RFX4: variants seen among roughly 807,000 people sequenced by gnomAD.
The protein encoded by RFX4 is regulatory factor X4.
Under a neutral mutation model 95.0 loss-of-function variants are expected in RFX4, and 10 were observed. The observed-to-expected ratio is 0.11, with a 90% CI of 0.06 to 0.18. RFX4 has a LOEUF of 0.18. Among genes scored for constraint, RFX4 ranks in the 10% least tolerant of loss-of-function variants. The probability of loss-of-function intolerance (pLI) is 1.00; values close to 1 mark genes in which losing one functional copy is unlikely to be tolerated. For synonymous variants in RFX4, 321 were observed against 340.7 expected (o/e 0.94, Z 0.64); for missense variants, 640 against 922.0 (o/e 0.69, Z 3.96).
intron 7 of RFX4, chr12:106,692,977 C>T: frequency 4.4e-6 from 1 of 225,678 alleles, no homozygotes; most frequent in South Asian, 5.1e-5. Flanking sequence ...TGCCCCAAAT[C>T]TGTTTTTCCC....
chr12:106,623,859 T>G (rs1332484844), intron 2 of RFX4, among the ~76,000 whole-genome samples: 1 of 152,210 alleles, frequency 6.6e-6, no homozygotes, highest in Non-Finnish European at 1.5e-5. Context: ...ATGTAGATAT[T>G]TATTATTTTA....
intron 11 of RFX4, 58 bp from the exon 12 acceptor site, chr12:106,719,902 G>A (rs1264735840): frequency 8.3e-6 from 11 of 1,324,036 alleles, no homozygotes; most frequent in East Asian, 2.3e-5. Context: ...CTTTTAAGAC[G>A]TAGCTCTTGT....
At chr12:106,662,814 A>C (rs1018961627) in intron 4 of RFX4, among the ~76,000 whole-genome samples, 1 of 152,100 alleles carries the variant, frequency 6.6e-6, no homozygotes, top group African/African-American at 2.4e-5. Flanking sequence ...TTTGTTTAAA[A>C]GATTATCTTT....
chr12:106,693,056 C>A, intron 7 of RFX4: 1 of 404,458 alleles, frequency 2.5e-6, no homozygotes, highest in South Asian at 1.9e-5. Flanking sequence ...TCCTTTCCCT[C>A]ACCCTTCAGA....
At chr12:106,726,648 C>G (rs1367094723) in intron 13 of RFX4, among the ~76,000 whole-genome samples, 2 of 152,082 alleles carry the variant, frequency 1.3e-5, no homozygotes, top group African/African-American at 4.8e-5. Context: ...AACACATACA[C>G]AAATTAGTTT....
At chr12:106,659,984 G>A (rs71452921) in intron 4 of RFX4, among the ~76,000 whole-genome samples, 3,543 of 152,206 alleles carry the variant, frequency 0.023, 56 homozygotes, top group Non-Finnish European at 0.037. Flanking sequence ...GTATCTCAGG[G>A]ATCAAGTGTG....
chr12:106,592,457 G>A (rs1592828910), intron 1 of RFX4, among the ~76,000 whole-genome samples: 1 of 152,192 alleles, frequency 6.6e-6, no homozygotes, highest in African/African-American at 2.4e-5. Context: ...GGCAACACCT[G>A]TGGGCTTGAA....
intron 1 of RFX4, chr12:106,583,597 C>T: frequency 2.6e-6 from 1 of 389,816 alleles, no homozygotes; most frequent in Non-Finnish European, 4.5e-6. Flanking sequence ...TGTGCGTGCG[C>T]GCGCGCGAAG....
intron 13 of RFX4, among the ~76,000 whole-genome samples, chr12:106,723,911 G>A (rs143083543): frequency 4.6e-5 from 7 of 152,254 alleles, no homozygotes; most frequent in East Asian, 1.9e-4. Flanking sequence ...AATTCAACCC[G>A]CAATTGTTCC....
intron 3 of RFX4, among the ~76,000 whole-genome samples, chr12:106,640,979 C>A (rs1464283415): frequency 6.6e-6 from 1 of 151,992 alleles, no homozygotes; most frequent in Non-Finnish European, 1.5e-5. Flanking sequence ...CAGGGTTTCA[C>A]CATGTTGGCT....
At chr12:106,606,022 C>T (rs2039825393) in intron 1 of RFX4, among the ~76,000 whole-genome samples, 1 of 152,194 alleles carries the variant, frequency 6.6e-6, no homozygotes, top group South Asian at 2.1e-4. Context: ...TCTTTCTTTA[C>T]TCAAACTCTT....
chr12:106,619,729 C>T (rs1028713537), intron 2 of RFX4, among the ~76,000 whole-genome samples: 5 of 152,080 alleles, frequency 3.3e-5, no homozygotes, highest in African/African-American at 4.8e-5. Context: ...TTAGACTTTT[C>T]GATTATACTT....
chr12:106,730,873 A>T (rs1735772813), intron 13 of RFX4, among the ~76,000 whole-genome samples: 1 of 152,084 alleles, frequency 6.6e-6, no homozygotes, highest in Non-Finnish European at 1.5e-5. Context: ...GGTGGCACGC[A>T]CCTATCATCC....
In RFX4 at chr12:106,687,122, T is replaced by C. The variant is rs1204041728; in HGVS notation, c.591+25T>C. ...GGTAACTACAACTGAAGTGACTATT[T>C]GGGGTGGGTGGTTTCTCTCTCTTTC... is the stretch of plus-strand genomic sequence containing the variant. On this transcript the variant is annotated intron_variant, in intron 6 of 17. Transcript: ENST00000392842. The C allele has an allele frequency of 2.5e-6, 4 of 1,606,392 alleles. No homozygotes were observed. The South Asian group carries it at 4.4e-5, about 18-fold the overall frequency.
intron 5 of RFX4, chr12:106,684,778 C>A: frequency 6.7e-7 from 1 of 1,483,590 alleles, no homozygotes; most frequent in Non-Finnish European, 8.9e-7. Flanking sequence ...AGACTTCGCT[C>A]AGCACAAAGA....
chr12:106,677,259 C>G (rs2041410670), intron 4 of RFX4, among the ~76,000 whole-genome samples: 1 of 152,106 alleles, frequency 6.6e-6, no homozygotes. Flanking sequence ...GGAAGGGTCA[C>G]AGGGCAAGTG....
chr12:106,693,776 G>T (rs941655586), intron 7 of RFX4, among the ~76,000 whole-genome samples: 1 of 152,196 alleles, frequency 6.6e-6, no homozygotes, highest in African/African-American at 2.4e-5. Flanking sequence ...CTGGCTGGGT[G>T]ACATTCAGAA....
At chr12:106,706,839 GAA>G (rs1274968343) in intron 8 of RFX4, among the ~76,000 whole-genome samples, 1 of 152,216 alleles carries the variant, frequency 6.6e-6, no homozygotes, top group Non-Finnish European at 1.5e-5. Context: ...GGGAGAAATA[GAA>G]AAGTCTGAAT....
chr12:106,667,482 C>A (rs1488815898), intron 4 of RFX4, among the ~76,000 whole-genome samples: 1 of 152,156 alleles, frequency 6.6e-6, no homozygotes, highest in Non-Finnish European at 1.5e-5. Context: ...CCTGGTCAAG[C>A]TCCTAGAGGT....
Sources: allele counts gnomAD v4.1 joint callset (sites outside exome capture counted in the v4.1 genomes callset), GRCh38; gene constraint gnomAD v4.1.1; transcripts MANE v1.5; gene names NCBI Gene and HGNC (gene_info 2026-07-23, HGNC 2026-07-21).